Variants in TNKS observed in about 807,000 individuals in gnomAD.
The protein encoded by TNKS is poly [ADP-ribose] polymerase tankyrase-1.
In TNKS, 72 loss-of-function variants were observed where a neutral mutation model predicts 135.8. That is an observed-to-expected ratio of 0.53 (90% CI 0.44 to 0.64). TNKS has a LOEUF of 0.64. Ranked by LOEUF, TNKS falls within the 30% of genes least tolerant of loss-of-function variation. The pLI is 0.00. For synonymous variants in TNKS, 849 were observed against 649.3 expected, an observed-to-expected ratio of 1.31 and a Z score of -4.68; for missense variants, 1,769 against 1,674.0, an observed-to-expected ratio of 1.06 and a Z score of -0.99.
intron 20 of TNKS, among the ~76,000 whole-genome samples, chr8:9,757,402 A>G (rs184203940): frequency 4.6e-5 from 7 of 152,286 alleles, no homozygotes; most frequent in African/African-American, 1.4e-4. Flanking sequence ...ATTTTGAACT[A>G]CAGTACTTAA....
chr8:9,746,479 C>T (rs1486439857), intron 17 of TNKS, among the ~76,000 whole-genome samples: 1 of 152,066 alleles, frequency 6.6e-6, no homozygotes, highest in African/African-American at 2.4e-5. Flanking sequence ...CTTTATAGTT[C>T]TTCTCCAGCT....
chr8:9,700,354 TC>T (rs1345602593), intron 5 of TNKS, among the ~76,000 whole-genome samples: 1 of 152,196 alleles, frequency 6.6e-6, no homozygotes, highest in Non-Finnish European at 1.5e-5. Flanking sequence ...AATACTGATT[TC>T]GCTTTCCTTG....
At chr8:9,685,836 C>T (rs142269539) in intron 5 of TNKS, among the ~76,000 whole-genome samples, 2 of 152,188 alleles carry the variant, frequency 1.3e-5, no homozygotes, top group South Asian at 2.1e-4. Context: ...CCATAAACCC[C>T]ATCCAGTGAA....
Position 9,680,653 on chromosome 8 carries a change from G to GA in TNKS, c.1032-66dup, listed in dbSNP as rs961958162. 46 of 1,083,410 alleles carry GA rather than the reference G, an allele frequency of 4.2e-5. No individual in the cohort carries two copies. In the Middle Eastern group the frequency reaches 6.3e-4, roughly 15 times the overall value. The allele number at this position is 1,083,410 out of a possible 1,614,324, so 67.1% of individuals were successfully genotyped here. A position where few individuals can be genotyped will look rare whatever the true frequency, so the allele number is the denominator to read the frequency against. ...GCAAACCCATATTTTACTCTCGTGT[G>GA]AAAAAATTATGCATAAATATTCATA... On this transcript the variant is annotated intron_variant, in intron 4 of 26. Coordinates refer to ENST00000310430, the MANE Select transcript of TNKS (RefSeq NM_003747.3).
chr8:9,629,532 C>G (rs1800203123), intron 3 of TNKS, among the ~76,000 whole-genome samples: 1 of 152,214 alleles, frequency 6.6e-6, no homozygotes, highest in Non-Finnish European at 1.5e-5. Flanking sequence ...TGTATTCCAG[C>G]CATAGTTGCC....
At chr8:9,595,436 G>T (rs572067602) in intron 2 of TNKS, among the ~76,000 whole-genome samples, 1 of 152,202 alleles carries the variant, frequency 6.6e-6, no homozygotes, top group East Asian at 1.9e-4. Flanking sequence ...TAACGTTGAT[G>T]ACTTGTCTGC....
intron 22 of TNKS, 74 bp from the exon 23 acceptor site, chr8:9,764,642 T>C (rs1266702576): frequency 5.3e-6 from 6 of 1,132,840 alleles, no homozygotes; most frequent in Non-Finnish European, 6.2e-6. Flanking sequence ...TTATTAATAC[T>C]GAATTTTAGA....
At chr8:9,762,619 T>A (rs551763518) in intron 21 of TNKS, among the ~76,000 whole-genome samples, 1 of 152,090 alleles carries the variant, frequency 6.6e-6, no homozygotes, top group Admixed American at 6.5e-5. Context: ...CAGATAAAAT[T>A]GGGCTGGGCG....
intron 2 of TNKS, among the ~76,000 whole-genome samples, chr8:9,600,507 C>G (rs1030776639): frequency 6.6e-6 from 1 of 151,980 alleles, no homozygotes; most frequent in Non-Finnish European, 1.5e-5. Flanking sequence ...AGAGACAGGT[C>G]TCGCCATGTT....
intron 22 of TNKS, among the ~76,000 whole-genome samples, chr8:9,764,429 A>G (rs1807316262): frequency 6.6e-6 from 1 of 151,940 alleles, no homozygotes; most frequent in South Asian, 2.1e-4. Context: ...CTTCTTCTCA[A>G]TAAGATAAGA....
At chr8:9,749,446 C>CT (rs1289652915) in intron 18 of TNKS, among the ~76,000 whole-genome samples, 14 of 149,018 alleles carry the variant, frequency 9.4e-5, no homozygotes, top group African/African-American at 2.5e-4. Context: ...CTGTGGCTGT[C>CT]TTTTTTTTTC....
In TNKS at chr8:9,778,446, A is replaced by G. The variant is rs1186336092; in HGVS notation, c.*1710A>G. On this transcript the variant is annotated 3_prime_UTR_variant, in exon 27 of 27. Coordinates refer to ENST00000310430, the MANE Select transcript of TNKS (RefSeq NM_003747.3). ...AGAAATAGACTCTTAAAATATATAC[A>G]TTTTGCTTTGATTTTGGCTTCAACC... 1 of 152,574 alleles carries G rather than the reference A, an allele frequency of 6.6e-6. No homozygotes were observed. The highest frequency in any genetic ancestry group is 1.5e-5 in the Non-Finnish European group (1 of 68,024). 9.5% of individuals were successfully genotyped at this position (152,574 alleles called of 1,614,324 possible). A position where few individuals can be genotyped will look rare whatever the true frequency, so the allele number is the denominator to read the frequency against.
chr8:9,729,480 T>C (rs1464256823), intron 13 of TNKS, among the ~76,000 whole-genome samples: 1 of 152,216 alleles, frequency 6.6e-6, no homozygotes, highest in East Asian at 1.9e-4. Flanking sequence ...TCATTTGCTT[T>C]TTCTGTTTTT....
Position 9,748,061 on chromosome 8 carries a change from C to T in TNKS, c.2681C>T (p.Thr894Met), listed in dbSNP as rs1295969090. ...GCGGCTTTATTGATAAAATACAACACGTGTGTAAATGCAACAGATAAGTGG... is the reference window on the plus strand; with the variant it reads ...GCGGCTTTATTGATAAAATACAACATGTGTGTAAATGCAACAGATAAGTGG... ...DIAALLIKYN[T>M]CVNATDKWAF... Residue 894 changes from threonine to methionine, a missense_variant, in exon 18 of 27, where the codon ACG (threonine) becomes ATG (methionine). Physicochemically the swap from Thr to Met is moderately conservative, Grantham distance 81. This residue lies in a region of TNKS where 722 missense variants were observed against 688.9 expected (regional missense o/e 1.05). Transcript: ENST00000310430. 1 of 1,612,142 alleles carries T rather than the reference C, an allele frequency of 6.2e-7. No individual in the cohort carries two copies. The highest frequency in any genetic ancestry group is 8.5e-7 in the Non-Finnish European group (1 of 1,179,478).
At chr8:9,768,978 A>G (rs1297846594) in intron 25 of TNKS, among the ~76,000 whole-genome samples, 54 of 152,234 alleles carry the variant, frequency 3.5e-4, no homozygotes, top group Admixed American at 3.5e-3. Flanking sequence ...TCCATTACTA[A>G]AAACAATTTG....
At chr8:9,630,774 A>G (rs1323315604) in intron 3 of TNKS, among the ~76,000 whole-genome samples, 1 of 152,230 alleles carries the variant, frequency 6.6e-6, no homozygotes, top group Non-Finnish European at 1.5e-5. Flanking sequence ...AGGCAGAATC[A>G]TCGTAAATGA....
chr8:9,688,318 G>T (rs1803104699), intron 5 of TNKS, among the ~76,000 whole-genome samples: 1 of 152,166 alleles, frequency 6.6e-6, no homozygotes, highest in Admixed American at 6.5e-5. Flanking sequence ...CTGATTTCAG[G>T]AAATTCTTCC....
At chr8:9,564,856 C>G (rs1328514501) in intron 1 of TNKS, among the ~76,000 whole-genome samples, 1 of 152,124 alleles carries the variant, frequency 6.6e-6, no homozygotes, top group East Asian at 1.9e-4. Context: ...CTTAATAAAA[C>G]CAATGAAACA....
intron 2 of TNKS, among the ~76,000 whole-genome samples, chr8:9,614,804 T>A (rs1799580183): frequency 6.6e-6 from 1 of 152,188 alleles, no homozygotes; most frequent in Non-Finnish European, 1.5e-5. Flanking sequence ...ACATACCAGA[T>A]GTGGCTGATA....
Sources: gnomAD v4.1 joint callset for allele counts (sites outside exome capture counted in the v4.1 genomes callset) on GRCh38, gnomAD v4.1.1 for gene constraint, gnomAD v4.1.1 regional missense constraint, MANE v1.5 for transcripts, NCBI Gene and HGNC (gene_info 2026-07-23, HGNC 2026-07-21) for gene names.